PDCD6IP: variants seen among roughly 807,000 people sequenced by gnomAD.
PDCD6IP encodes programmed cell death 6 interacting protein.
Under a neutral mutation model 103.7 loss-of-function variants are expected in PDCD6IP, and 43 were observed. The observed-to-expected ratio is 0.41, with a 90% confidence interval of 0.32 to 0.53. PDCD6IP has a LOEUF of 0.53. Ranked by LOEUF, PDCD6IP falls within the 20% of genes least tolerant of loss-of-function variation. The pLI is 0.16. For synonymous variants in PDCD6IP, 354 were observed against 378.7 expected (o/e 0.93, Z 0.76); for missense variants, 871 against 1,036.7 (o/e 0.84, Z 2.20).
chr3:33,854,091 C>T, intron 14 of PDCD6IP, 78 bp downstream of exon 14: 1 of 1,441,632 alleles, frequency 6.9e-7, no homozygotes, highest in Non-Finnish European at 9.2e-7. Flanking sequence ...AGTGGTATTT[C>T]CAGTTGAACC....
In PDCD6IP at chr3:33,845,723, A is replaced by G. The variant is rs113132359; in HGVS notation, c.1641+135A>G. The G allele has an allele frequency of 4.8e-6, 3 of 629,302 alleles. No individual in the cohort carries two copies. In the Admixed American group the frequency reaches 9.1e-5, roughly 19 times the overall value. The allele number at this position is 629,302 out of a possible 1,614,324, so 39.0% of individuals were successfully genotyped here. A position where few individuals can be genotyped will look rare whatever the true frequency, so the allele number is the denominator to read the frequency against. Reference sequence around the variant, plus strand: ...AAATAAATTGGGGTTGTTATATTTAAAGTAGTATATAGACTGTGTAATAGA... The same window carrying G: ...AAATAAATTGGGGTTGTTATATTTAGAGTAGTATATAGACTGTGTAATAGA... On this transcript the variant is annotated intron_variant, in intron 12 of 17. Transcript: ENST00000307296.
intron 2 of PDCD6IP, among the ~76,000 whole-genome samples, chr3:33,813,007 CAGAGAG>C (rs560732860): frequency 6.6e-6 from 1 of 151,930 alleles, no homozygotes; most frequent in Admixed American, 6.6e-5. Flanking sequence ...ATTTCAGGAG[CAGAGAG>C]AGAGTTTTTT....
intron 4 of PDCD6IP, among the ~76,000 whole-genome samples, chr3:33,823,173 G>A (rs1239230698): frequency 4.6e-5 from 7 of 152,170 alleles, no homozygotes; most frequent in Admixed American, 1.3e-4. Context: ...CTAAAGGTCC[G>A]AAGTCTTAAT....
chr3:33,824,088 T>C (rs569756132), intron 4 of PDCD6IP, among the ~76,000 whole-genome samples: 2 of 152,188 alleles, frequency 1.3e-5, no homozygotes, highest in Non-Finnish European at 2.9e-5. Flanking sequence ...TCAGACACTT[T>C]GCTGTTGTAG....
At chr3:33,848,901 A>G (rs1376558642) in intron 12 of PDCD6IP, among the ~76,000 whole-genome samples, 1 of 152,178 alleles carries the variant, frequency 6.6e-6, no homozygotes, top group Non-Finnish European at 1.5e-5. Flanking sequence ...CATTTTTTAA[A>G]TGGCTGAAAA....
intron 13 of PDCD6IP, among the ~76,000 whole-genome samples, 171 bp from the exon 14 acceptor site, chr3:33,853,708 A>G (rs1239109343): frequency 6.6e-6 from 1 of 152,162 alleles, no homozygotes; most frequent in African/African-American, 2.4e-5. Flanking sequence ...TTTACTTAAG[A>G]AAGATTTAAA....
At chr3:33,799,611 CGCTT>C (rs1464323812) in intron 1 of PDCD6IP, 3 of 114,180 alleles carry the variant, frequency 2.6e-5, no homozygotes, top group Non-Finnish European at 3.6e-5. Context: ...TTTTAGCAAA[CGCTT>C]ATTTAGCTCA....
intron 12 of PDCD6IP, 117 bp from the exon 13 acceptor site, chr3:33,852,371 C>T: frequency 2.8e-6 from 4 of 1,416,788 alleles, no homozygotes; most frequent in South Asian, 1.6e-5. Flanking sequence ...ATATTTGGCT[C>T]TCTGAGAAAT....
chr3:33,828,827 C>T, intron 6 of PDCD6IP, 26 bp from the exon 7 acceptor site: 1 of 1,612,070 alleles, frequency 6.2e-7, no homozygotes, highest in Non-Finnish European at 8.5e-7. Context: ...GTTGGACTCT[C>T]CCCTGGTCAG....
intron 1 of PDCD6IP, among the ~76,000 whole-genome samples, chr3:33,803,601 T>C (rs1046339548): frequency 2.0e-5 from 3 of 152,194 alleles, no homozygotes; most frequent in Non-Finnish European, 4.4e-5. Flanking sequence ...TTATTCTATC[T>C]TTTGTCACAT....
intron 1 of PDCD6IP, among the ~76,000 whole-genome samples, chr3:33,800,401 G>A (rs1332202087): frequency 6.6e-6 from 1 of 152,108 alleles, no homozygotes; most frequent in Admixed American, 6.6e-5. Flanking sequence ...GGTGGGAAAT[G>A]GGCTAAGTTA....
At chr3:33,854,118 A>G in intron 14 of PDCD6IP, 105 bp downstream of exon 14, 3 of 1,310,232 alleles carry the variant, frequency 2.3e-6, no homozygotes, top group South Asian at 1.7e-5. Context: ...CTCTTTGCCT[A>G]GAATTTTAGC....
chr3:33,802,181 A>G (rs573509044), intron 1 of PDCD6IP, among the ~76,000 whole-genome samples: 114 of 152,274 alleles, frequency 7.5e-4, no homozygotes, highest in African/African-American at 2.6e-3. Context: ...CCAGGTTGCA[A>G]TCATATCCAA....
At chr3:33,804,385 A>G (rs1299181448) in intron 1 of PDCD6IP, among the ~76,000 whole-genome samples, 1 of 152,226 alleles carries the variant, frequency 6.6e-6, no homozygotes, top group Non-Finnish European at 1.5e-5. Flanking sequence ...TATTGAGATA[A>G]TATTAGCACA....
chr3:33,844,058 A>G, intron 10 of PDCD6IP, 54 bp from the exon 11 acceptor site: 1 of 1,079,988 alleles, frequency 9.3e-7, no homozygotes, highest in Non-Finnish European at 1.4e-6. Flanking sequence ...TAAATGTATT[A>G]AAGTTTTTAT....
At position 33,868,898 on chromosome 3, in the gene PDCD6IP, T is replaced by C. The variant is rs751520047; in HGVS notation, c.*2373T>C. 2.6e-5 allele frequency: 4 copies of C among 152,242 alleles called. No homozygotes were observed. Among genetic ancestry groups the C allele is most frequent in the Non-Finnish European group, 5.9e-5 (4 of 68,038 alleles). The allele number at this position is 152,242 out of a possible 1,614,324, so 9.4% of individuals were successfully genotyped here. Reference sequence around the variant, plus strand: ...ATTTTTATCAGTCTGGTATAAAGTATTGATCTAAGAGAACTCTCCCTGTGC... The same window carrying C: ...ATTTTTATCAGTCTGGTATAAAGTACTGATCTAAGAGAACTCTCCCTGTGC... On this transcript the variant is annotated 3_prime_UTR_variant, in exon 18 of 18. Transcript: ENST00000307296.
rs138811293 is a variant in PDCD6IP, at chr3:33,865,312, A to G, written c.2314A>G (p.Thr772Ala). The G allele has an allele frequency of 6.3e-6, 10 of 1,594,154 alleles. No homozygotes were observed. The highest frequency in any genetic ancestry group is 1.8e-5 in the Admixed American group (1 of 57,084). Residue 772 changes from threonine to alanine, a missense_variant, in exon 17 of 18, where the codon ACT becomes GCT. Thr to Ala is a moderately conservative substitution (Grantham distance 58). Coordinates refer to ENST00000307296, the MANE Select transcript of PDCD6IP (RefSeq NM_013374.6). ...TCCAGCAAATCGAGCTCCTTCTGCTACTGCTCCATCTCCAGTGGGGGCTGG... is the reference window on the plus strand; with the variant it reads ...TCCAGCAAATCGAGCTCCTTCTGCTGCTGCTCCATCTCCAGTGGGGGCTGG... ...VLPANRAPSA[T>A]APSPVGAGTA...
chr3:33,840,416 T>C (rs1387338937), intron 9 of PDCD6IP, among the ~76,000 whole-genome samples: 1 of 152,188 alleles, frequency 6.6e-6, no homozygotes, highest in Non-Finnish European at 1.5e-5. Context: ...CGGACTCATG[T>C]AGTTCAAATC....
chr3:33,817,688 G>C (rs1227074019), intron 3 of PDCD6IP, among the ~76,000 whole-genome samples: 2 of 152,036 alleles, frequency 1.3e-5, no homozygotes, highest in Non-Finnish European at 2.9e-5. Context: ...GGGAGGTTGA[G>C]GCTGCAATAA....
Sources: allele counts gnomAD v4.1 joint callset (sites outside exome capture counted in the v4.1 genomes callset), GRCh38; gene constraint gnomAD v4.1.1; transcripts MANE v1.5; gene names NCBI Gene and HGNC (gene_info 2026-07-23, HGNC 2026-07-21).